The following TMED3 variants were observed in gnomAD, a reference collection of about 807,000 sequenced individuals.
The protein encoded by TMED3 is transmembrane p24 trafficking protein 3.
A neutral mutation model predicts 15.0 loss-of-function variants in TMED3; 9 were observed. That is an observed-to-expected ratio of 0.60 (90% CI 0.36 to 1.04). TMED3 has a LOEUF of 1.04. Ranked by LOEUF, TMED3 falls within the 50% of genes least tolerant of loss-of-function variation. The pLI is 0.01. For synonymous variants in TMED3, 117 were observed against 121.4 expected, an observed-to-expected ratio of 0.96 and a Z score of 0.24; for missense variants, 267 against 278.9, an observed-to-expected ratio of 0.96 and a Z score of 0.30.
chr15:79,366,286 C>T (rs544752705), intron 2 of TMED3, among the ~76,000 whole-genome samples: 1 of 152,204 alleles, frequency 6.6e-6, no homozygotes, highest in South Asian at 2.1e-4. Flanking sequence ...GCCTTTGTTT[C>T]TTTGCAGTCA....
In TMED3 at chr15:79,386,704, ATT is replaced by A. The variant is rs35828266; in HGVS notation, c.418-24681_418-24680del. Among the ~76,000 whole-genome samples, 270 of 125,162 alleles carry A rather than the reference ATT, an allele frequency of 2.2e-3. 1 individual carries two copies. The highest frequency in any genetic ancestry group is 7.7e-3 in the African/African-American group (258 of 33,336). The allele number at this position is 125,162 out of a possible 152,430, so 82.1% of individuals were successfully genotyped here. The stretch of plus-strand genomic sequence containing the variant: ...CAGGTGTGGGCCACCATGCCTGGCT[ATT>A]TTTTTTTTTTTTTTGTATTTTTAGT... On this transcript the variant is annotated intron_variant, in intron 2 of 2. Coordinates refer to the TMED3 transcript ENST00000424155.
At chr15:79,349,723 C>T (rs75870963) in intron 2 of TMED3, among the ~76,000 whole-genome samples, 76 of 152,290 alleles carry the variant, frequency 5.0e-4, no homozygotes, top group African/African-American at 1.8e-3. Flanking sequence ...CTGCTCCAGC[C>T]GCCTGGCTTC....
At chr15:79,364,834 C>T (rs879330110) in intron 2 of TMED3, among the ~76,000 whole-genome samples, 1 of 152,132 alleles carries the variant, frequency 6.6e-6, no homozygotes, top group Non-Finnish European at 1.5e-5. Flanking sequence ...CCTCCACCAC[C>T]CAGTAAAACC....
intron 2 of TMED3, among the ~76,000 whole-genome samples, chr15:79,404,436 C>A (rs572148000): frequency 7.2e-5 from 11 of 152,340 alleles, no homozygotes; most frequent in Non-Finnish European, 1.3e-4. Context: ...GTTTCTGTAG[C>A]CTCTCCATTC....
At chr15:79,410,673 T>C (rs955746189) in intron 2 of TMED3, among the ~76,000 whole-genome samples, 4 of 148,446 alleles carry the variant, frequency 2.7e-5, no homozygotes, top group African/African-American at 9.8e-5. Flanking sequence ...ACATGTGAAA[T>C]ATATATATGT....
downstream of TMED3, among the ~76,000 whole-genome samples, chr15:79,327,635 T>C (rs1329029046): frequency 6.6e-6 from 1 of 152,226 alleles, no homozygotes; most frequent in Non-Finnish European, 1.5e-5. Flanking sequence ...CTAATTTCCT[T>C]CTTTCTACTC....
At chr15:79,381,523 A>G (rs975887189) in intron 2 of TMED3, among the ~76,000 whole-genome samples, 1 of 152,230 alleles carries the variant, frequency 6.6e-6, no homozygotes, top group African/African-American at 2.4e-5. Flanking sequence ...CCTCTGAACC[A>G]TTAGCACTTT....
rs184061545 is a variant in TMED3, at chr15:79,406,327, T to C, written c.418-5073T>C. On this transcript the variant is annotated intron_variant, in intron 2 of 2. Transcript: ENST00000424155. The stretch of plus-strand genomic sequence containing the variant: ...GAAATGAATGAGACGTCCTGTCAGC[T>C]GCTAGAAATAATTATATACTTGACA... 3.7e-3 allele frequency among the ~76,000 whole-genome samples: 556 copies of C among 152,324 alleles called. 5 individuals carry two copies. The highest frequency in any genetic ancestry group is 0.013 in the African/African-American group (524 of 41,558).
intron 2 of TMED3, among the ~76,000 whole-genome samples, chr15:79,339,741 C>T (rs1567027234): frequency 6.6e-6 from 1 of 150,620 alleles, no homozygotes; most frequent in East Asian, 2.0e-4. Context: ...GTGGTGATGA[C>T]ATGATGGTGA....
At chr15:79,341,955 C>CG (rs2058853274) in intron 2 of TMED3, among the ~76,000 whole-genome samples, 1 of 152,138 alleles carries the variant, frequency 6.6e-6, no homozygotes, top group Non-Finnish European at 1.5e-5. Context: ...CCCAGAGTGT[C>CG]ATCAGTGCTA....
chr15:79,319,750 G>A (rs1221719380), intron 2 of TMED3, among the ~76,000 whole-genome samples: 6 of 152,154 alleles, frequency 3.9e-5, no homozygotes, highest in Non-Finnish European at 8.8e-5. Flanking sequence ...AAGGTCACGT[G>A]TCCACTGGAC....
intron 2 of TMED3, among the ~76,000 whole-genome samples, chr15:79,370,256 A>ATTTTTTTTTTTTTTTTTT (rs398028085): frequency 9.5e-6 from 1 of 104,938 alleles, no homozygotes; most frequent in Non-Finnish European, 1.8e-5. Flanking sequence ...TGCCCAGCTA[A>ATTTTTTTTTTTTTTTTTT]TTTTTTTTTT....
At chr15:79,358,307 G>T (rs1893053165) in intron 2 of TMED3, among the ~76,000 whole-genome samples, 1 of 152,254 alleles carries the variant, frequency 6.6e-6, no homozygotes, top group Admixed American at 6.5e-5. Context: ...GCACCTTCAA[G>T]TGTGACATCA....
chr15:79,319,795 GAGAGAGAGAGA>G (rs1415965362), intron 2 of TMED3, among the ~76,000 whole-genome samples: 1 of 152,146 alleles, frequency 6.6e-6, no homozygotes, highest in Non-Finnish European at 1.5e-5. Flanking sequence ...CCAAGGCAGA[GAGAGAGAGAGA>G]AGAGAGAGAG....
chr15:79,387,621 T>TACACACACAC (rs1192149329), intron 2 of TMED3, among the ~76,000 whole-genome samples: 1 of 144,226 alleles, frequency 6.9e-6, no homozygotes, highest in African/African-American at 2.5e-5. Context: ...CACACACACA[T>TACACACACAC]ACACACACAC....
chr15:79,349,508 T>C (rs1048714302), intron 2 of TMED3, among the ~76,000 whole-genome samples: 1 of 152,176 alleles, frequency 6.6e-6, no homozygotes, highest in African/African-American at 2.4e-5. Flanking sequence ...TGTTACATTA[T>C]GCAGTAAAAA....
At chr15:79,334,208 A>T (rs2058819513) in intron 2 of TMED3, among the ~76,000 whole-genome samples, 1 of 152,204 alleles carries the variant, frequency 6.6e-6, no homozygotes, top group South Asian at 2.1e-4. Context: ...AATTACTGAA[A>T]CCAGGAAAGA....
intron 2 of TMED3, among the ~76,000 whole-genome samples, chr15:79,347,953 T>C (rs2058877365): frequency 6.6e-6 from 1 of 152,148 alleles, no homozygotes; most frequent in Non-Finnish European, 1.5e-5. Context: ...CAAAAATAGC[T>C]GATTTTACCC....
chr15:79,366,551 G>T (rs1007216679), intron 2 of TMED3, among the ~76,000 whole-genome samples: 2 of 152,164 alleles, frequency 1.3e-5, no homozygotes, highest in Non-Finnish European at 2.9e-5. Context: ...TTCTCAGGGC[G>T]AGCTAGGTGC....
Sources: allele counts gnomAD v4.1 joint callset (sites outside exome capture counted in the v4.1 genomes callset), GRCh38; gene constraint gnomAD v4.1.1; transcripts MANE v1.5; gene names NCBI Gene and HGNC (gene_info 2026-07-23, HGNC 2026-07-21).